Variants in NUP205 observed in about 807,000 individuals in gnomAD.
NUP205 encodes nuclear pore complex protein Nup205.
In NUP205, 76 loss-of-function variants were observed where a neutral mutation model predicts 253.8. That is an observed-to-expected ratio of 0.30 (90% confidence interval 0.25 to 0.36). The LOEUF (loss-of-function observed/expected upper bound fraction) is 0.36, where lower values mean the gene tolerates loss of function less well. Among genes scored for constraint, NUP205 ranks in the 10% least tolerant of loss-of-function variants. The pLI is 1.00. For missense variants in NUP205, 2,162 were observed against 2,425.5 expected (o/e 0.89, Z 2.28); for synonymous variants, 832 against 850.1 (o/e 0.98, Z 0.37).
chr7:135,597,405 C>A lies in NUP205; in HGVS notation c.2051C>A (p.Ala684Asp). 1 of 1,608,994 alleles carries A rather than the reference C, an allele frequency of 6.2e-7. No individual in the cohort carries two copies. The highest frequency in any genetic ancestry group is 8.5e-7 in the Non-Finnish European group (1 of 1,175,428). Reference protein sequence around the residue: ...QTVRIPSQRQAIGIEVELNEI... With the variant: ...QTVRIPSQRQDIGIEVELNEI... ...GTGAGGATTCCAAGCCAAAGGCAAG[C>A]TATTGGTATTGAGGTAAAGTTTTCC... is the stretch of plus-strand genomic sequence containing the variant. The change falls in exon 14 of 43, where the codon GCT (alanine) becomes GAT (aspartate). Residue 684 changes from alanine to aspartate, a missense_variant. Physicochemically the swap from Ala to Asp is moderately radical, Grantham distance 126. Around this residue, in one of 5 missense-constraint regions of NUP205, gnomAD observed 892 missense variants for 957.1 expected, o/e 0.93. Transcript: ENST00000285968.
chr7:135,567,122 ATG>A (rs144618990), intron 1 of NUP205, among the ~76,000 whole-genome samples: 766 of 32,350 alleles, frequency 0.024, 81 homozygotes, highest in Non-Finnish European at 0.029. Flanking sequence ...TGCTCAGTCT[ATG>A]TGTGTATATA....
At chr7:135,565,133 C>G (rs1215439877) in intron 1 of NUP205, among the ~76,000 whole-genome samples, 2 of 152,072 alleles carry the variant, frequency 1.3e-5, no homozygotes, top group Non-Finnish European at 2.9e-5. Flanking sequence ...GGATTTTTCT[C>G]TACCATTCAC....
At chr7:135,609,798 CT>C (rs1337462724) in intron 22 of NUP205, among the ~76,000 whole-genome samples, 2 of 152,156 alleles carry the variant, frequency 1.3e-5, no homozygotes, top group African/African-American at 4.8e-5. Context: ...AGTACTATAG[CT>C]AGGTTTTCCT....
chr7:135,643,427 C>A, intron 39 of NUP205, 69 bp downstream of exon 39: 1 of 1,036,556 alleles, frequency 9.6e-7, no homozygotes, highest in Non-Finnish European at 1.4e-6. Context: ...GGTACTCAGA[C>A]TGAGTAAAGA....
intron 7 of NUP205, among the ~76,000 whole-genome samples, chr7:135,580,223 C>T (rs6958380): frequency 6.6e-6 from 1 of 152,154 alleles, no homozygotes; most frequent in Admixed American, 6.5e-5. Flanking sequence ...TCACTAGTGT[C>T]ATGCTGTTCC....
At chr7:135,570,897 T>TA (rs908612848) in intron 1 of NUP205, among the ~76,000 whole-genome samples, 12 of 124,490 alleles carry the variant, frequency 9.6e-5, no homozygotes, top group Non-Finnish European at 1.6e-4. Context: ...ATATATTATA[T>TA]ATTTATATAT....
intron 1 of NUP205, among the ~76,000 whole-genome samples, chr7:135,568,738 A>C (rs1289390343): frequency 2.6e-5 from 4 of 151,812 alleles, no homozygotes; most frequent in African/African-American, 4.8e-5. Flanking sequence ...TGAAAGCACT[A>C]CTCCTACCTC....
chr7:135,625,652 A>G (rs1183886587), intron 32 of NUP205, among the ~76,000 whole-genome samples: 1 of 152,220 alleles, frequency 6.6e-6, no homozygotes, highest in Non-Finnish European at 1.5e-5. Flanking sequence ...CTCTCACAAT[A>G]CAATTTAGAC....
At chr7:135,628,838 T>C (rs1338114147) in intron 34 of NUP205, among the ~76,000 whole-genome samples, 1 of 152,246 alleles carries the variant, frequency 6.6e-6, no homozygotes, top group Non-Finnish European at 1.5e-5. Context: ...AGGTAGATGC[T>C]GCTGTTCTAA....
In NUP205 at chr7:135,628,043, C is replaced by G; in HGVS notation, c.4864C>G (p.Pro1622Ala). Residue 1622 changes from proline to alanine, a missense_variant, in exon 34 of 43, where the codon CCA becomes GCA. Physicochemically the swap from Pro to Ala is conservative, Grantham distance 27. Coordinates refer to ENST00000285968, the MANE Select transcript of NUP205 (RefSeq NM_015135.3). ...PVDRYRQILL[P>A]ALQLCQVILT... The stretch of plus-strand genomic sequence containing the variant: ...GGATCGCTACCGCCAGATTCTCCTC[C>G]CAGCTCTCCAGCTGTGCCAGGTCAT... 6.2e-7 allele frequency: 1 copy of G among 1,611,124 alleles called. No individual in the cohort carries two copies. Among genetic ancestry groups the G allele is most frequent in the Non-Finnish European group, 8.5e-7 (1 of 1,179,416 alleles).
rs746135871 is a variant in NUP205 at position 135,593,235 on chromosome 7, A to T, written c.1830+43A>T. 4 of 1,533,758 alleles carry T rather than the reference A, an allele frequency of 2.6e-6. No individual in the cohort carries two copies. In the South Asian group the frequency reaches 3.4e-5, roughly 13 times the overall value. On this transcript the variant is annotated intron_variant, in intron 12 of 42. Coordinates refer to ENST00000285968, the MANE Select transcript of NUP205 (RefSeq NM_015135.3). ...AGCATAATTTTATTTTTATTATAGCACAGTAGCATTTTAAGAGCCCCAAAC... is the reference window on the plus strand; with the variant it reads ...AGCATAATTTTATTTTTATTATAGCTCAGTAGCATTTTAAGAGCCCCAAAC...
rs985754445 is a variant in NUP205, at chr7:135,592,982, T to C, written c.1625-5T>C. On this transcript the variant is annotated splice_polypyrimidine_tract_variant and splice_region_variant and intron_variant, in intron 11 of 42. Transcript: ENST00000285968. ...AATAAAATTCTGTGCTGTTTTTCTT[T>C]ATAGTTGAAAATATTCAGGGAGCAG... 8 of 1,600,822 alleles carry C rather than the reference T, an allele frequency of 5.0e-6. No individual in the cohort carries two copies. The highest frequency in any genetic ancestry group is 6.8e-6 in the Non-Finnish European group (8 of 1,168,406).
intron 41 of NUP205, 65 bp from the exon 42 acceptor site, chr7:135,646,093 G>T (rs1447231291): frequency 4.1e-6 from 4 of 984,788 alleles, no homozygotes; most frequent in African/African-American, 1.6e-5. Flanking sequence ...TTGTCATCAG[G>T]TTCCTCCACT....
intron 30 of NUP205, among the ~76,000 whole-genome samples, chr7:135,621,268 A>G (rs1263469292): frequency 6.6e-6 from 1 of 152,242 alleles, no homozygotes; most frequent in Non-Finnish European, 1.5e-5. Flanking sequence ...TATTTGTAAG[A>G]TGAGGAAAAA....
At chr7:135,620,749 A>T (rs991324752) in intron 30 of NUP205, among the ~76,000 whole-genome samples, 2 of 152,166 alleles carry the variant, frequency 1.3e-5, no homozygotes, top group Non-Finnish European at 2.9e-5. Flanking sequence ...CAAATGAATG[A>T]CCTTCTCCAG....
chr7:135,606,720 T>A (rs779789379), intron 20 of NUP205, 31 bp from the exon 21 acceptor site: 5 of 1,581,770 alleles, frequency 3.2e-6, no homozygotes, highest in Non-Finnish European at 4.3e-6. Flanking sequence ...TCCACTGTTT[T>A]GTAATTTTGT....
At chr7:135,582,294 A>G (rs1806328871) in intron 7 of NUP205, among the ~76,000 whole-genome samples, 2 of 152,218 alleles carry the variant, frequency 1.3e-5, no homozygotes, top group African/African-American at 2.4e-5. Flanking sequence ...CAAAAAAAAT[A>G]AAAGACGTAA....
rs373590569 is a variant in NUP205, at chr7:135,570,052, TAGAGAGAGAGAG to T, written c.29-1021_29-1010del. On this transcript the variant is annotated intron_variant, in intron 1 of 42. Transcript: ENST00000285968. ...TTTTATATATATATATATATATATA[TAGAGAGAGAGAG>T]AGAGAGAGAGAGAGAGAGAGAGAGA... is the stretch of plus-strand genomic sequence containing the variant. 8.6e-3 allele frequency among the ~76,000 whole-genome samples: 677 copies of T among 79,166 alleles called. 1 individual carries two copies. Among genetic ancestry groups the T allele is most frequent in the Non-Finnish European group, 0.012 (494 of 41,626 alleles). 51.9% of individuals were successfully genotyped at this position (79,166 alleles called of 152,430 possible). A position where few individuals can be genotyped will look rare whatever the true frequency, so the allele number is the denominator to read the frequency against.
At chr7:135,565,038 G>A (rs1402438467) in intron 1 of NUP205, among the ~76,000 whole-genome samples, 1 of 151,994 alleles carries the variant, frequency 6.6e-6, no homozygotes, top group African/African-American at 2.4e-5. Context: ...CAAAGTACTG[G>A]CATTACAAGT....
Sources: allele counts gnomAD v4.1 joint callset (sites outside exome capture counted in the v4.1 genomes callset), GRCh38; gene constraint gnomAD v4.1.1; regional missense constraint gnomAD v4.1.1; transcripts MANE v1.5; gene names NCBI Gene and HGNC (gene_info 2026-07-23, HGNC 2026-07-21).